Variants in SLC25A21 observed in about 807,000 individuals in gnomAD.
The protein encoded by SLC25A21 is solute carrier family 25 member 21.
In SLC25A21, 47 loss-of-function variants were observed where a neutral mutation model predicts 43.8. That is an observed-to-expected ratio of 1.07 (90% CI 0.85 to 1.37). SLC25A21 has a LOEUF of 1.37. Among genes scored for constraint, SLC25A21 ranks in the 40% most tolerant of loss-of-function variants. The pLI, the probability that SLC25A21 is intolerant of heterozygous loss-of-function variation, is 0.00. For synonymous variants in SLC25A21, 131 were observed against 121.3 expected (o/e 1.08, Z -0.52); for missense variants, 352 against 350.2 (o/e 1.00, Z -0.04).
rs1484290435 is a variant in SLC25A21 at position 37,040,331 on chromosome 14, A to AAAG, written c.70+131949_70+131950insCTT. On this transcript the variant is annotated intron_variant, in intron 1 of 9. Transcript: ENST00000331299. ...AGGAAAGGAAGAAAGGAAGAGGGGA[A>AAAG]GGAAGGAAGGAAGGAAGGAAGGAAA... Among the ~76,000 whole-genome samples, 17 of 54,954 alleles carry AAAG rather than the reference A, an allele frequency of 3.1e-4. 6 individuals carry two copies. Among genetic ancestry groups the AAAG allele is most frequent in the African/African-American group, 1.3e-3 (7 of 5,414 alleles). 36.1% of individuals were successfully genotyped at this position (54,954 alleles called of 152,430 possible).
At chr14:36,983,173 T>C (rs1029624780) in intron 1 of SLC25A21, among the ~76,000 whole-genome samples, 5 of 152,194 alleles carry the variant, frequency 3.3e-5, no homozygotes, top group Non-Finnish European at 7.4e-5. Context: ...AAACATGATA[T>C]AAAGATGTTC....
At chr14:37,092,713 A>G (rs1566875458) in intron 1 of SLC25A21, among the ~76,000 whole-genome samples, 1 of 152,130 alleles carries the variant, frequency 6.6e-6, no homozygotes, top group East Asian at 1.9e-4. Flanking sequence ...AAAAACAAGG[A>G]AAATGGGTCC....
intron 1 of SLC25A21, among the ~76,000 whole-genome samples, chr14:36,988,485 T>C (rs28647542): frequency 0.047 from 7,095 of 152,226 alleles, 574 homozygotes; most frequent in African/African-American, 0.16. Flanking sequence ...GGAGGGAACA[T>C]CTGGGAATAT....
At chr14:36,832,573 G>A (rs188970345) in intron 2 of SLC25A21, among the ~76,000 whole-genome samples, 223 of 152,268 alleles carry the variant, frequency 1.5e-3, no homozygotes, top group Non-Finnish European at 2.2e-3. Context: ...AATCTGAAGT[G>A]TGGTTATTAC....
chr14:37,089,701 C>T lies in SLC25A21; in HGVS notation c.70+82580G>A, dbSNP rs80256923. Among the ~76,000 whole-genome samples the T allele has an allele frequency of 4.4e-3, 672 of 152,294 alleles. 2 individuals are homozygous for T. Among genetic ancestry groups the T allele is most frequent in the Middle Eastern group, 0.017 (5 of 294 alleles). Reference sequence around the variant, plus strand: ...GCTCAAATTTTATACCACAGCTCTACTTCTTCAATGGGAATAGGTGGGTTT... The same window carrying T: ...GCTCAAATTTTATACCACAGCTCTATTTCTTCAATGGGAATAGGTGGGTTT... On this transcript the variant is annotated intron_variant, in intron 1 of 9. Transcript: ENST00000331299.
intron 6 of SLC25A21, among the ~76,000 whole-genome samples, chr14:36,713,145 G>A (rs1466348234): frequency 6.6e-6 from 1 of 152,212 alleles, no homozygotes; most frequent in Non-Finnish European, 1.5e-5. Flanking sequence ...TTGAGGGCAT[G>A]AGGGCGGAGG....
intron 1 of SLC25A21, among the ~76,000 whole-genome samples, chr14:37,038,655 A>T (rs923401158): frequency 6.6e-6 from 1 of 152,196 alleles, no homozygotes; most frequent in Non-Finnish European, 1.5e-5. Context: ...GTTGGGAGGT[A>T]AAGAGAGGGG....
At chr14:37,102,223 T>C (rs996915194) in intron 1 of SLC25A21, among the ~76,000 whole-genome samples, 3 of 152,074 alleles carry the variant, frequency 2.0e-5, no homozygotes, top group Admixed American at 6.6e-5. Flanking sequence ...GGCGGATCAC[T>C]TGAAGTCAGG....
chr14:37,172,555 G>T lies in SLC25A21; in HGVS notation c.-205C>A, dbSNP rs1053512463. The T allele has an allele frequency of 1.4e-6, 1 of 714,000 alleles. No individual in the cohort carries two copies. The highest frequency in any genetic ancestry group is 1.7e-5 in the African/African-American group (1 of 57,376). 44.2% of individuals were successfully genotyped at this position (714,000 alleles called of 1,614,324 possible). ...ATCTCCGGCGCGTCGGAACCTGTTC[G>T]CAGCGCTCTCGCAGAGGCGCCCTCG... is the stretch of plus-strand genomic sequence containing the variant. On this transcript the variant is annotated 5_prime_UTR_variant, in exon 1 of 10. Transcript: ENST00000331299.
At chr14:37,059,678 C>A (rs1229106336) in intron 1 of SLC25A21, among the ~76,000 whole-genome samples, 1 of 152,180 alleles carries the variant, frequency 6.6e-6, no homozygotes, top group Non-Finnish European at 1.5e-5. Flanking sequence ...CACAAAGGCA[C>A]ACCTGCAGGC....
At position 36,725,594 on chromosome 14, in the gene SLC25A21, T is replaced by C; in HGVS notation, c.414A>G (p.Gln138=). The change falls in exon 6 of 10, where the codon CAA becomes CAG. Residue 138 remains glutamine (Q), a synonymous_variant. Transcript: ENST00000331299. ...CCTCTGCAAATGTGTTCCGATTTGC[T>C]TGCAAGCCAACTTTTACTACCTCAA... ...NPFEVVKVGL[Q]ANRNTFAEQP... is the part of the protein sequence containing the mutation. The C allele has an allele frequency of 6.3e-7, 1 of 1,590,332 alleles. No individual in the cohort carries two copies. The highest frequency in any genetic ancestry group is 8.6e-7 in the Non-Finnish European group (1 of 1,168,990).
At chr14:37,016,686 A>T (rs1431450551) in intron 1 of SLC25A21, among the ~76,000 whole-genome samples, 1 of 152,108 alleles carries the variant, frequency 6.6e-6, no homozygotes, top group Admixed American at 6.6e-5. Context: ...TAGCTATGAA[A>T]GTCCCAGATG....
At chr14:36,736,827 C>T (rs1352615745) in intron 3 of SLC25A21, among the ~76,000 whole-genome samples, 1 of 152,204 alleles carries the variant, frequency 6.6e-6, no homozygotes, top group Admixed American at 6.5e-5. Flanking sequence ...AAAGACATTA[C>T]ACTTTTCTCT....
chr14:36,933,750 G>T (rs1892350596), intron 1 of SLC25A21, among the ~76,000 whole-genome samples: 1 of 152,060 alleles, frequency 6.6e-6, no homozygotes, highest in Non-Finnish European at 1.5e-5. Context: ...TCCTGATCAG[G>T]GAAATAACAA....
intron 1 of SLC25A21, among the ~76,000 whole-genome samples, chr14:37,040,289 A>AAGAAAG (rs1961426258): frequency 2.0e-5 from 1 of 49,978 alleles, no homozygotes; most frequent in East Asian, 4.7e-4. Flanking sequence ...GAAGGAAGGA[A>AAGAAAG]AGAGAGAGAA....
intron 7 of SLC25A21, among the ~76,000 whole-genome samples, chr14:36,707,301 GT>G (rs1883615185): frequency 6.6e-6 from 1 of 152,144 alleles, no homozygotes; most frequent in Non-Finnish European, 1.5e-5. Flanking sequence ...TTGTTTACTT[GT>G]TTTTGTCTGT....
intron 5 of SLC25A21, among the ~76,000 whole-genome samples, chr14:36,728,320 G>A (rs1344111760): frequency 1.3e-5 from 2 of 152,204 alleles, no homozygotes; most frequent in Admixed American, 6.5e-5. Flanking sequence ...AAGACCTACA[G>A]TTTCTCACAT....
rs138504649 is a variant in SLC25A21 at position 37,139,162 on chromosome 14, T to A, written c.70+33119A>T. 1.6e-3 allele frequency among the ~76,000 whole-genome samples: 241 copies of A among 152,268 alleles called. 1 individual carries two copies. Among genetic ancestry groups the A allele is most frequent in the African/African-American group, 5.3e-3 (222 of 41,584 alleles). ...AGATTTTAAGGAAAATTTAATCTTGTGTCCAAATGTAACATTACTTTAAAC... is the reference window on the plus strand; with the variant it reads ...AGATTTTAAGGAAAATTTAATCTTGAGTCCAAATGTAACATTACTTTAAAC... On this transcript the variant is annotated intron_variant, in intron 1 of 9. Transcript: ENST00000331299.
chr14:36,953,251 G>T (rs1324353710), intron 1 of SLC25A21, among the ~76,000 whole-genome samples: 1 of 152,154 alleles, frequency 6.6e-6, no homozygotes, highest in Non-Finnish European at 1.5e-5. Context: ...TTTTTGGGCT[G>T]CTTTGTGTAA....
Sources: gnomAD v4.1 joint callset for allele counts (sites outside exome capture counted in the v4.1 genomes callset) on GRCh38, gnomAD v4.1.1 for gene constraint, MANE v1.5 for transcripts, NCBI Gene and HGNC (gene_info 2026-07-23, HGNC 2026-07-21) for gene names.